The following CCDC178 variants were observed in gnomAD, a reference collection of about 807,000 sequenced individuals.
The protein encoded by CCDC178 is coiled-coil domain-containing protein 178.
A neutral mutation model predicts 117.4 loss-of-function variants in CCDC178; 126 were observed. The observed-to-expected ratio is 1.07, with a 90% CI of 0.93 to 1.24. The LOEUF (loss-of-function observed/expected upper bound fraction) is 1.24. Among genes scored for constraint, CCDC178 ranks in the 50% most tolerant of loss-of-function variants. The probability of loss-of-function intolerance (pLI) is 0.00; values close to 1 mark genes in which losing one functional copy is unlikely to be tolerated. For missense variants in CCDC178, 1,030 were observed against 986.9 expected, an observed-to-expected ratio of 1.04 and a Z score of -0.59; for synonymous variants, 283 against 313.4, an observed-to-expected ratio of 0.90 and a Z score of 1.02.
chr18:33,042,062 T>C (rs1202713041), intron 21 of CCDC178, among the ~76,000 whole-genome samples: 1 of 151,900 alleles, frequency 6.6e-6, no homozygotes, highest in East Asian at 1.9e-4. Context: ...AAGTTATTGA[T>C]TTAGGAATGG....
At chr18:33,333,135 G>T in intron 10 of CCDC178, 39 bp downstream of exon 10, 1 of 1,242,830 alleles carries the variant, frequency 8.0e-7, no homozygotes, top group Non-Finnish European at 1.1e-6. Context: ...GCATAACTAA[G>T]TAATAATTTA....
At chr18:33,071,713 C>G (rs2144998755) in intron 21 of CCDC178, among the ~76,000 whole-genome samples, 1 of 152,168 alleles carries the variant, frequency 6.6e-6, no homozygotes, top group South Asian at 2.1e-4. Context: ...GATGGATGCA[C>G]AACGTGCTTG....
intron 11 of CCDC178, among the ~76,000 whole-genome samples, chr18:33,315,979 A>G (rs1160551819): frequency 6.6e-6 from 1 of 152,224 alleles, no homozygotes. Flanking sequence ...CATTGTACCT[A>G]GAGTGGACAC....
At chr18:33,102,747 G>A (rs372391554) in intron 20 of CCDC178, among the ~76,000 whole-genome samples, 5 of 151,782 alleles carry the variant, frequency 3.3e-5, no homozygotes, top group East Asian at 1.9e-4. Context: ...ATTTCGGGAT[G>A]TATCTACTTC....
chr18:33,048,704 G>A (rs1257024171), intron 21 of CCDC178, among the ~76,000 whole-genome samples: 2 of 152,078 alleles, frequency 1.3e-5, no homozygotes, highest in Non-Finnish European at 2.9e-5. Context: ...TATCTTAGGG[G>A]AAACCATCAA....
Position 33,224,853 on chromosome 18 carries a change from C to T in CCDC178, c.1740G>A (p.Leu580=), listed in dbSNP as rs547922194. 6.3e-7 allele frequency: 1 copy of T among 1,586,418 alleles called. No individual in the cohort carries two copies. Among genetic ancestry groups the T allele is most frequent in the Admixed American group, 1.8e-5 (1 of 56,538 alleles). The stretch of plus-strand genomic sequence containing the variant: ...GAAGCAGAGGTTCCTGTAGTTCTGC[C>T]AGTGACATGGCACATATTGCTCTAT... The part of the protein sequence containing the change: ...IKNRAICAMS[L]AELQEPLLQL... The change falls in exon 17 of 23, where the codon CTG becomes CTA. Residue 580 remains leucine (L), a synonymous_variant. Coordinates refer to ENST00000383096, the MANE Select transcript of CCDC178 (RefSeq NM_001105528.4).
At chr18:33,013,251 C>T (rs2055910860) in intron 21 of CCDC178, among the ~76,000 whole-genome samples, 1 of 152,116 alleles carries the variant, frequency 6.6e-6, no homozygotes, top group Non-Finnish European at 1.5e-5. Context: ...AGCTTCTCTC[C>T]AGTAACTAAC....
At chr18:33,098,796 G>C (rs745517577) in intron 20 of CCDC178, among the ~76,000 whole-genome samples, 1 of 151,756 alleles carries the variant, frequency 6.6e-6, no homozygotes, top group Middle Eastern at 3.4e-3. Flanking sequence ...TTTACTTTAC[G>C]GATTCAGCTC....
chr18:33,331,144 G>T (rs2062663817), intron 10 of CCDC178, among the ~76,000 whole-genome samples: 1 of 143,164 alleles, frequency 7.0e-6, no homozygotes, highest in African/African-American at 2.6e-5. Flanking sequence ...ATGTACCCAA[G>T]TTCACTATCA....
chr18:33,232,883 T>A (rs2059383230), intron 15 of CCDC178, among the ~76,000 whole-genome samples: 1 of 152,196 alleles, frequency 6.6e-6, no homozygotes, highest in African/African-American at 2.4e-5. Context: ...CATTAATTTT[T>A]AAAAATTCTA....
chr18:33,061,171 T>C (rs1009697730), intron 21 of CCDC178, among the ~76,000 whole-genome samples: 4 of 152,114 alleles, frequency 2.6e-5, no homozygotes, highest in Non-Finnish European at 5.9e-5. Flanking sequence ...TTCTATAACA[T>C]TATTTCTAGT....
chr18:33,141,262 T>G (rs748741456), intron 20 of CCDC178, among the ~76,000 whole-genome samples: 1 of 152,118 alleles, frequency 6.6e-6, no homozygotes, highest in Non-Finnish European at 1.5e-5. Flanking sequence ...CGGAAACAAA[T>G]ACTTTCTTTG....
intron 14 of CCDC178, among the ~76,000 whole-genome samples, chr18:33,261,985 T>A (rs1481128178): frequency 5.3e-5 from 8 of 152,190 alleles, no homozygotes; most frequent in African/African-American, 1.4e-4. Flanking sequence ...GGTTTTCTCT[T>A]ATATTTTCTA....
chr18:33,184,191 C>T (rs1368914192), intron 20 of CCDC178, among the ~76,000 whole-genome samples: 1 of 151,950 alleles, frequency 6.6e-6, no homozygotes, highest in Non-Finnish European at 1.5e-5. Context: ...TGTGCACAAG[C>T]ACAGATTATG....
chr18:33,078,552 C>T (rs924940581), intron 21 of CCDC178, among the ~76,000 whole-genome samples: 4 of 152,142 alleles, frequency 2.6e-5, no homozygotes, highest in African/African-American at 4.8e-5. Context: ...TGGCCCAAAG[C>T]TTCCTCAGCT....
At chr18:33,317,751 T>C (rs957926442) in intron 11 of CCDC178, among the ~76,000 whole-genome samples, 1 of 152,140 alleles carries the variant, frequency 6.6e-6, no homozygotes, top group Non-Finnish European at 1.5e-5. Context: ...TGTTATCCAG[T>C]GCAATGCCTA....
chr18:33,350,611 C>A (rs978342701), intron 7 of CCDC178, among the ~76,000 whole-genome samples: 2 of 152,034 alleles, frequency 1.3e-5, no homozygotes, highest in Non-Finnish European at 2.9e-5. Flanking sequence ...AATTTTATTT[C>A]TTTTAATGGT....
chr18:33,007,455 G>A (rs1409121394), intron 21 of CCDC178, among the ~76,000 whole-genome samples: 3 of 152,114 alleles, frequency 2.0e-5, no homozygotes, highest in Non-Finnish European at 2.9e-5. Context: ...GTGACATCTT[G>A]TAAATGGAAA....
At chr18:33,430,710 T>C (rs2064201629) in intron 2 of CCDC178, among the ~76,000 whole-genome samples, 2 of 152,230 alleles carry the variant, frequency 1.3e-5, no homozygotes, top group African/African-American at 4.8e-5. Flanking sequence ...ACCACTGTGA[T>C]GTTGGACTTT....
Sources: gnomAD v4.1 joint callset for allele counts (sites outside exome capture counted in the v4.1 genomes callset) on GRCh38, gnomAD v4.1.1 for gene constraint, MANE v1.5 for transcripts, NCBI Gene and HGNC (gene_info 2026-07-23, HGNC 2026-07-21) for gene names.